Variants in ZDHHC14 observed in about 807,000 individuals in gnomAD.
ZDHHC14 encodes the protein palmitoyltransferase ZDHHC14.
ZDHHC14 carries 16 observed loss-of-function variants against 47.7 expected under a neutral mutation model. That is an observed-to-expected ratio of 0.34 (90% CI 0.23 to 0.51). The LOEUF is 0.51. Among genes scored for constraint, ZDHHC14 ranks in the 20% least tolerant of loss-of-function variants. The pLI is 0.97. For synonymous variants in ZDHHC14, 293 were observed against 278.9 expected, an observed-to-expected ratio of 1.05 and a Z score of -0.50; for missense variants, 515 against 662.5, an observed-to-expected ratio of 0.78 and a Z score of 2.44.
At chr6:157,450,202 A>C (rs1443843280) in intron 1 of ZDHHC14, among the ~76,000 whole-genome samples, 1 of 152,030 alleles carries the variant, frequency 6.6e-6, no homozygotes, top group African/African-American at 2.4e-5. Flanking sequence ...ACTAGTATGC[A>C]GATTTCTTCC....
At chr6:157,407,999 G>T (rs887099507) in intron 1 of ZDHHC14, among the ~76,000 whole-genome samples, 1 of 152,150 alleles carries the variant, frequency 6.6e-6, no homozygotes, top group Non-Finnish European at 1.5e-5. Flanking sequence ...CTCAAGAAAT[G>T]ATAAAGGACA....
In ZDHHC14 at chr6:157,672,058, C is replaced by T. The variant is rs190566207; in HGVS notation, c.1069-666C>T. ...TCTTCCTTCTCTCTAAGAACATGAC[C>T]CTCCAGGGACCTTGTTTGAGTGGAA... On this transcript the variant is annotated intron_variant, in intron 8 of 8. Transcript: ENST00000359775. 4.3e-3 allele frequency among the ~76,000 whole-genome samples: 649 copies of T among 152,304 alleles called. 6 individuals carry two copies. The highest frequency in any genetic ancestry group is 0.014 in the Middle Eastern group (4 of 294).
At chr6:157,424,662 C>G (rs370909289) in intron 1 of ZDHHC14, among the ~76,000 whole-genome samples, 1 of 152,150 alleles carries the variant, frequency 6.6e-6, no homozygotes, top group African/African-American at 2.4e-5. Context: ...GAAACCCTGC[C>G]CCGAGCAGTG....
rs3056787 is a variant in ZDHHC14, at chr6:157,643,650, A to AATATATATATATATATATATAT, written c.753-2082_753-2061dup. Reference sequence around the variant, plus strand: ...GCAACAAAAGCAAAACTTCATCTCAAATATATATATATATATATATATATA... The same window carrying AATATATATATATATATATATAT: ...GCAACAAAAGCAAAACTTCATCTCAAATATATATATATATATATATATATATATATATATATATATATATATA... On this transcript the variant is annotated intron_variant, in intron 5 of 8. Transcript: ENST00000359775. Among the ~76,000 whole-genome samples the AATATATATATATATATATATAT allele has an allele frequency of 2.1e-3, 153 of 72,456 alleles. 5 individuals carry two copies. The highest frequency in any genetic ancestry group is 7.0e-3 in the South Asian group (10 of 1,438). 47.5% of individuals were successfully genotyped at this position (72,456 alleles called of 152,430 possible).
intron 5 of ZDHHC14, among the ~76,000 whole-genome samples, chr6:157,639,680 G>A (rs1035196592): frequency 5.9e-5 from 9 of 152,154 alleles, no homozygotes; most frequent in African/African-American, 9.7e-5. Flanking sequence ...GGGGGAAATC[G>A]GTGGCAGAGG....
chr6:157,446,232 C>T (rs1216837322), intron 1 of ZDHHC14, among the ~76,000 whole-genome samples: 2 of 152,010 alleles, frequency 1.3e-5, no homozygotes, highest in Non-Finnish European at 2.9e-5. Flanking sequence ...ATCCATCGCC[C>T]ATTGCTCCAT....
intron 1 of ZDHHC14, among the ~76,000 whole-genome samples, chr6:157,541,785 G>C (rs1418836037): frequency 7.9e-6 from 1 of 126,012 alleles, no homozygotes; most frequent in Admixed American, 8.5e-5. Flanking sequence ...TGGTTCCCAG[G>C]CTGGCTCGTG....
At chr6:157,644,168 A>G (rs1011441371) in intron 5 of ZDHHC14, among the ~76,000 whole-genome samples, 14 of 151,672 alleles carry the variant, frequency 9.2e-5, no homozygotes, top group African/African-American at 3.4e-4. Flanking sequence ...ACTCTACTTC[A>G]CCTCTTCTTT....
At chr6:157,417,285 A>G (rs1778002607) in intron 1 of ZDHHC14, among the ~76,000 whole-genome samples, 1 of 152,192 alleles carries the variant, frequency 6.6e-6, no homozygotes, top group African/African-American at 2.4e-5. Flanking sequence ...CTGCCTAGTT[A>G]GATGCTGTCA....
intron 1 of ZDHHC14, among the ~76,000 whole-genome samples, chr6:157,437,660 T>C (rs1037204827): frequency 3.9e-5 from 6 of 152,192 alleles, no homozygotes; most frequent in African/African-American, 1.4e-4. Context: ...ACCTTTCCTG[T>C]CAGGGTAAAA....
At chr6:157,569,131 A>T (rs1783010244) in intron 2 of ZDHHC14, among the ~76,000 whole-genome samples, 2 of 152,044 alleles carry the variant, frequency 1.3e-5, no homozygotes, top group South Asian at 4.1e-4. Flanking sequence ...GTGACAAGCC[A>T]ACCTATATAG....
chr6:157,667,863 G>A (rs535644377), intron 8 of ZDHHC14, among the ~76,000 whole-genome samples: 44 of 152,276 alleles, frequency 2.9e-4, no homozygotes, highest in African/African-American at 8.7e-4. Context: ...CAAAACAGGC[G>A]ACGTTTTGAG....
intron 1 of ZDHHC14, among the ~76,000 whole-genome samples, chr6:157,439,919 G>A (rs1036431249): frequency 1.4e-4 from 21 of 152,116 alleles, no homozygotes; most frequent in African/African-American, 2.7e-4. Context: ...ACAGGAAACC[G>A]AACACCGCAT....
In ZDHHC14 at chr6:157,560,934, C is replaced by T. The variant is rs9457798; in HGVS notation, c.406+18189C>T. ...TTATGAGGCGTGGCGTGTCTAATCA[C>T]GAACCCACTAGAACATGAGAAAGAA... On this transcript the variant is annotated intron_variant, in intron 2 of 8. Transcript: ENST00000359775. Among the ~76,000 whole-genome samples the T allele has an allele frequency of 2.2e-3, 341 of 152,242 alleles. 1 individual carries two copies. The highest frequency in any genetic ancestry group is 7.6e-3 in the African/African-American group (317 of 41,528).
chr6:157,630,288 G>A (rs992750834), intron 4 of ZDHHC14: 36 of 152,138 alleles, frequency 2.4e-4, no homozygotes, highest in Admixed American at 2.0e-3. Context: ...CCTAGACATT[G>A]TATTTTTATA....
intron 1 of ZDHHC14, among the ~76,000 whole-genome samples, chr6:157,531,560 G>A (rs1373841267): frequency 6.6e-6 from 1 of 151,998 alleles, no homozygotes; most frequent in Non-Finnish European, 1.5e-5. Flanking sequence ...CTCCACACTT[G>A]CTCTTTTGTT....
chr6:157,501,021 G>A (rs1265181188), intron 1 of ZDHHC14, among the ~76,000 whole-genome samples: 1 of 152,198 alleles, frequency 6.6e-6, no homozygotes, highest in African/African-American at 2.4e-5. Context: ...GATTGGATTT[G>A]TTTACAGTTT....
intron 5 of ZDHHC14, among the ~76,000 whole-genome samples, chr6:157,640,631 G>A (rs1023690586): frequency 6.6e-6 from 1 of 152,174 alleles, no homozygotes; most frequent in Non-Finnish European, 1.5e-5. Context: ...CTGGAGCCCA[G>A]TTCTCCCAAC....
intron 1 of ZDHHC14, among the ~76,000 whole-genome samples, chr6:157,478,962 T>C (rs1376156795): frequency 6.6e-6 from 1 of 152,218 alleles, no homozygotes. Flanking sequence ...TCTGGGTTGG[T>C]TCCCATGCCA....
Sources: gnomAD v4.1 joint callset for allele counts (sites outside exome capture counted in the v4.1 genomes callset) on GRCh38, gnomAD v4.1.1 for gene constraint, MANE v1.5 for transcripts, NCBI Gene and HGNC (gene_info 2026-07-23, HGNC 2026-07-21) for gene names.